HNF4G: variants seen among roughly 807,000 people sequenced by gnomAD.
The protein encoded by HNF4G is hepatocyte nuclear factor 4 gamma.
A neutral mutation model predicts 50.9 loss-of-function variants in HNF4G; 21 were observed. That is an observed-to-expected ratio of 0.41 (90% CI 0.29 to 0.59). The LOEUF (loss-of-function observed/expected upper bound fraction) is 0.59, where lower values mean the gene tolerates loss of function less well. Ranked by LOEUF, HNF4G falls within the 20% of genes least tolerant of loss-of-function variation. The pLI is 0.26. For missense variants in HNF4G, 527 were observed against 559.4 expected (o/e 0.94, Z 0.58); for synonymous variants, 198 against 185.6 (o/e 1.07, Z -0.54).
chr8:75,550,019 C>G (rs1293109440), intron 3 of HNF4G, among the ~76,000 whole-genome samples: 1 of 152,080 alleles, frequency 6.6e-6, no homozygotes, highest in Non-Finnish European at 1.5e-5. Flanking sequence ...ACAACTCACT[C>G]TTTCTTAAAA....
intron 1 of HNF4G, among the ~76,000 whole-genome samples, chr8:75,473,764 C>A (rs552190164): frequency 7.2e-5 from 11 of 151,810 alleles, no homozygotes; most frequent in African/African-American, 2.4e-4. Context: ...GAGAACGATG[C>A]AAAAGAGGCA....
chr8:75,452,361 C>T (rs549439227), intron 1 of HNF4G, among the ~76,000 whole-genome samples: 106 of 152,286 alleles, frequency 7.0e-4, no homozygotes, highest in Middle Eastern at 3.4e-3. Flanking sequence ...ATTCCTAACA[C>T]AACCTCAAGG....
chr8:75,535,074 A>T (rs2941461), upstream of HNF4G, among the ~76,000 whole-genome samples: 43,361 of 151,588 alleles, frequency 0.29, 6,686 homozygotes, highest in East Asian at 0.39. Context: ...AAGAAAAAAT[A>T]ATTTTTGTTT....
chr8:75,547,645 T>C lies in HNF4G; in HGVS notation c.346T>C (p.Leu116=). ...AAGGAATCAATGTAGATATTGTCGA[T>C]TAAGAAAGTGTTTTAGAGCGGGAAT... The part of the protein sequence containing the change: ...DKRNQCRYCR[L]RKCFRAGMKK... Residue 116 remains leucine (L), a synonymous_variant, in exon 3 of 10, where the codon TTA becomes CTA. Transcript: ENST00000396423. 6.2e-7 allele frequency: 1 copy of C among 1,611,076 alleles called. No individual in the cohort carries two copies. The highest frequency in any genetic ancestry group is 8.5e-7 in the Non-Finnish European group (1 of 1,177,376).
At chr8:75,498,631 T>C (rs1310970809) in intron 2 of HNF4G, among the ~76,000 whole-genome samples, 1 of 151,922 alleles carries the variant, frequency 6.6e-6, no homozygotes, top group East Asian at 1.9e-4. Context: ...ATCTTATGAA[T>C]ATAAGTGCAA....
At chr8:75,511,269 A>G (rs1214233525) in intron 2 of HNF4G, among the ~76,000 whole-genome samples, 10 of 152,306 alleles carry the variant, frequency 6.6e-5, no homozygotes, top group East Asian at 5.8e-4. Flanking sequence ...GTGGATATCA[A>G]CTTTTGTCTA....
At chr8:75,460,201 T>C (rs1811812598) in intron 1 of HNF4G, among the ~76,000 whole-genome samples, 1 of 152,188 alleles carries the variant, frequency 6.6e-6, no homozygotes, top group Non-Finnish European at 1.5e-5. Context: ...GCCTGATTAA[T>C]AAAGACATTA....
At chr8:75,433,421 A>AT (rs1404751549) in intron 1 of HNF4G, among the ~76,000 whole-genome samples, 3 of 151,826 alleles carry the variant, frequency 2.0e-5, no homozygotes, top group Non-Finnish European at 4.4e-5. Context: ...ACAAAAAAAA[A>AT]AAAAAAAAAG....
Position 75,564,188 on chromosome 8 carries a change from C to T in HNF4G, c.*92C>T. 1.5e-6 allele frequency: 2 copies of T among 1,324,276 alleles called. No individual in the cohort carries two copies. The highest frequency in any genetic ancestry group is 2.1e-6 in the Non-Finnish European group (2 of 947,322). The allele number at this position is 1,324,276 out of a possible 1,614,324, so 82.0% of individuals were successfully genotyped here. On this transcript the variant is annotated 3_prime_UTR_variant, in exon 10 of 10. Coordinates refer to ENST00000396423, the MANE Select transcript of HNF4G (RefSeq NM_004133.5). Reference sequence around the variant, plus strand: ...ATAGCACTTTTGGCAAACTCTTAGCCAAGGCTTCTTCATTGGTGCTGTTAT... The same window carrying T: ...ATAGCACTTTTGGCAAACTCTTAGCTAAGGCTTCTTCATTGGTGCTGTTAT...
intron 1 of HNF4G, among the ~76,000 whole-genome samples, chr8:75,412,533 T>C (rs995470567): frequency 6.6e-6 from 1 of 152,188 alleles, no homozygotes; most frequent in Non-Finnish European, 1.5e-5. Flanking sequence ...TCTAGGCAGC[T>C]TTTCCCCCAT....
At position 75,524,273 on chromosome 8, in the gene HNF4G, C is replaced by T. The variant is rs78365959; in HGVS notation, c.-23-19538C>T. On this transcript the variant is annotated intron_variant, in intron 2 of 10. Coordinates refer to the HNF4G transcript ENST00000354370. ...GTACCATAAGATATATGAATAACTA[C>T]GCAAAGTTATAATGTAAAGAATTTC... 2.6e-3 allele frequency among the ~76,000 whole-genome samples: 402 copies of T among 152,102 alleles called. 1 individual carries two copies. The highest frequency in any genetic ancestry group is 9.1e-3 in the African/African-American group (378 of 41,482).
At chr8:75,518,186 T>C (rs1285642803) in intron 2 of HNF4G, among the ~76,000 whole-genome samples, 1 of 133,204 alleles carries the variant, frequency 7.5e-6, no homozygotes, top group African/African-American at 2.8e-5. Context: ...CCCCTTCCTG[T>C]GTCCGTGTGT....
At chr8:75,447,544 G>C (rs1322018229) in intron 1 of HNF4G, among the ~76,000 whole-genome samples, 1 of 147,520 alleles carries the variant, frequency 6.8e-6, no homozygotes, top group Non-Finnish European at 1.5e-5. Flanking sequence ...CTGACAAAGG[G>C]CTAATATCCA....
At chr8:75,433,412 CAAAA>C (rs1186388765) in intron 1 of HNF4G, among the ~76,000 whole-genome samples, 2 of 63,032 alleles carry the variant, frequency 3.2e-5, no homozygotes. Context: ...TGTCTCAGAA[CAAAA>C]AAAAAAAAAA....
chr8:75,420,419 G>A (rs767672590), intron 1 of HNF4G, among the ~76,000 whole-genome samples: 1 of 152,132 alleles, frequency 6.6e-6, no homozygotes, highest in Non-Finnish European at 1.5e-5. Context: ...TCTTTCTTGC[G>A]GCCTATGAGG....
At chr8:75,538,079 T>G (rs563980241), upstream of HNF4G, among the ~76,000 whole-genome samples, 4 of 152,198 alleles carry the variant, frequency 2.6e-5, no homozygotes, top group Non-Finnish European at 5.9e-5. Flanking sequence ...TTACAAAGAC[T>G]ACCCACTTGA....
intron 2 of HNF4G, among the ~76,000 whole-genome samples, chr8:75,526,080 T>C (rs1441237275): frequency 6.6e-6 from 1 of 151,990 alleles, no homozygotes; most frequent in Non-Finnish European, 1.5e-5. Flanking sequence ...GCAGATTCCA[T>C]ATTTATGAAT....
intron 1 of HNF4G, among the ~76,000 whole-genome samples, chr8:75,456,992 G>T (rs1433893625): frequency 6.6e-6 from 1 of 152,114 alleles, no homozygotes; most frequent in Non-Finnish European, 1.5e-5. Context: ...CAATCCTTCT[G>T]CCTCAGCTTC....
At chr8:75,432,263 T>A (rs569566745) in intron 1 of HNF4G, among the ~76,000 whole-genome samples, 146 of 150,084 alleles carry the variant, frequency 9.7e-4, no homozygotes, top group Admixed American at 1.7e-3. Context: ...AATAAAAAAG[T>A]AAAAAGATGG....
Sources: allele counts gnomAD v4.1 joint callset (sites outside exome capture counted in the v4.1 genomes callset), GRCh38; gene constraint gnomAD v4.1.1; transcripts MANE v1.5; gene names NCBI Gene and HGNC (gene_info 2026-07-23, HGNC 2026-07-21).